The following FGF12 variants were observed in gnomAD, a reference collection of about 807,000 sequenced individuals.
The protein encoded by FGF12 is fibroblast growth factor 12.
In FGF12, 14 loss-of-function variants were observed where a neutral mutation model predicts 23.6. The observed-to-expected ratio is 0.59, with a 90% confidence interval of 0.39 to 0.93. The LOEUF is 0.93. FGF12 is among the 40% of genes least tolerant of loss of function. FGF12 has a pLI of 0.00. For missense variants in FGF12, 175 were observed against 217.8 expected, an observed-to-expected ratio of 0.80 and a Z score of 1.24; for synonymous variants, 62 against 77.3, an observed-to-expected ratio of 0.80 and a Z score of 1.04.
chr3:192,230,598 A>G (rs1429278932), intron 4 of FGF12, among the ~76,000 whole-genome samples: 1 of 152,210 alleles, frequency 6.6e-6, no homozygotes, highest in Non-Finnish European at 1.5e-5. Context: ...TCACCTGGAA[A>G]TAACAATTCA....
chr3:192,533,711 A>G (rs1725152194), intron 2 of FGF12, among the ~76,000 whole-genome samples: 1 of 152,030 alleles, frequency 6.6e-6, no homozygotes, highest in Admixed American at 6.6e-5. Flanking sequence ...AGTTTATTAA[A>G]GTTTATCGTG....
At chr3:192,355,494 C>T (rs184123657) in intron 3 of FGF12, among the ~76,000 whole-genome samples, 60 of 152,274 alleles carry the variant, frequency 3.9e-4, no homozygotes, top group Non-Finnish European at 7.4e-5. Context: ...GTGTCAATGA[C>T]TTCCAATGAA....
chr3:192,409,114 C>A lies in FGF12; in HGVS notation c.14-48576G>T. 1 of 391,092 alleles carries A rather than the reference C, an allele frequency of 2.6e-6. No homozygotes were observed. Among genetic ancestry groups the A allele is most frequent in the Non-Finnish European group, 3.5e-6 (1 of 286,620 alleles). The allele number at this position is 391,092 out of a possible 1,614,324, so 24.2% of individuals were successfully genotyped here. A position where few individuals can be genotyped will look rare whatever the true frequency, so the allele number is the denominator to read the frequency against. On this transcript the variant is annotated intron_variant, in intron 2 of 5. Transcript: ENST00000445105. This position sits in a 1 kb window ranked among gnomAD's most constrained non-coding sequence, Gnocchi z 4.8. ...GGGAGGGAGGGAGATCCTCGAGGGC[C>A]AAGCACCCCTCGGGGAGAAACCAGC...
chr3:192,704,360 A>C (rs1718399183), intron 2 of FGF12, among the ~76,000 whole-genome samples: 1 of 152,190 alleles, frequency 6.6e-6, no homozygotes, highest in African/African-American at 2.4e-5. Context: ...AAACAACATT[A>C]ATCTCCTTGT....
At position 192,335,372 on chromosome 3, in the gene FGF12, GA is replaced by G; in HGVS notation, c.216del (p.Leu73SerfsTer23). ...TACAATGTACTTACTGAACTGTAGAGATAGCCTTCACCATTCATGGCCACAT... is the reference window on the plus strand; with the variant it reads ...TACAATGTACTTACTGAACTGTAGAGTAGCCTTCACCATTCATGGCCACAT... ...SLYVAMNGEG[Y>X]LYSSDVFTPE... On this transcript the variant is annotated frameshift_variant, in exon 4 of 6. Transcript: ENST00000445105. LOFTEE classifies it high-confidence loss of function. 6.2e-7 allele frequency: 1 copy of G among 1,609,858 alleles called. No homozygotes were observed. The highest frequency in any genetic ancestry group is 8.5e-7 in the Non-Finnish European group (1 of 1,176,386).
chr3:192,427,890 T>G (rs9836854), intron 2 of FGF12, among the ~76,000 whole-genome samples: 1 of 152,002 alleles, frequency 6.6e-6, no homozygotes, highest in African/African-American at 2.4e-5. Context: ...TCATGCCTGC[T>G]GGCATCTGAA....
At chr3:192,253,881 A>C (rs1221273970) in intron 4 of FGF12, among the ~76,000 whole-genome samples, 1 of 152,144 alleles carries the variant, frequency 6.6e-6, no homozygotes, top group Non-Finnish European at 1.5e-5. Context: ...AAACCACCAC[A>C]GTATTTTAAA....
At chr3:192,667,502 C>T (rs1477807978) in intron 2 of FGF12, among the ~76,000 whole-genome samples, 1 of 150,126 alleles carries the variant, frequency 6.7e-6, no homozygotes, top group Non-Finnish European at 1.5e-5. Flanking sequence ...CTCAGCTACC[C>T]GGAAGGCTGC....
intron 2 of FGF12, among the ~76,000 whole-genome samples, chr3:192,647,691 A>G (rs9825727): frequency 0.45 from 66,666 of 147,886 alleles, 15,393 homozygotes; most frequent in East Asian, 0.52. Context: ...ATACATATAT[A>G]TGTATATATG....
chr3:192,567,745 C>CTTTCTTTCTT (rs2108600423), intron 2 of FGF12, among the ~76,000 whole-genome samples: 1 of 110,648 alleles, frequency 9.0e-6, no homozygotes, highest in African/African-American at 3.4e-5. Context: ...CTCTTTCTTT[C>CTTTCTTTCTT]TTTCTTTCTT....
At chr3:192,414,532 C>T (rs1354850910) in intron 2 of FGF12, among the ~76,000 whole-genome samples, 3 of 152,154 alleles carry the variant, frequency 2.0e-5, no homozygotes, top group Non-Finnish European at 4.4e-5. Flanking sequence ...TAACTCTTTA[C>T]TAATTACAAA....
At chr3:192,548,744 T>G (rs945895835) in intron 2 of FGF12, among the ~76,000 whole-genome samples, 1 of 152,152 alleles carries the variant, frequency 6.6e-6, no homozygotes, top group Non-Finnish European at 1.5e-5. Flanking sequence ...TACCCAGTTG[T>G]AGTGTTATAT....
intron 3 of FGF12, among the ~76,000 whole-genome samples, chr3:192,346,374 A>C (rs1274866493): frequency 2.0e-5 from 3 of 152,146 alleles, no homozygotes; most frequent in African/African-American, 7.2e-5. Flanking sequence ...CCTTACCTGA[A>C]ATACAACTGT....
At chr3:192,570,299 G>C (rs1219004523) in intron 2 of FGF12, among the ~76,000 whole-genome samples, 2 of 152,134 alleles carry the variant, frequency 1.3e-5, no homozygotes, top group Non-Finnish European at 2.9e-5. Context: ...AATCCAAGTA[G>C]AGAGCTCCAG....
chr3:192,244,471 G>A (rs1719783006), intron 4 of FGF12, among the ~76,000 whole-genome samples: 2 of 152,098 alleles, frequency 1.3e-5, no homozygotes, highest in African/African-American at 4.8e-5. Context: ...CTAACAAAGA[G>A]AGGTAAATAG....
intron 4 of FGF12, among the ~76,000 whole-genome samples, chr3:192,199,181 TGGGGCAA>T (rs889029122): frequency 1.3e-5 from 2 of 152,166 alleles, no homozygotes; most frequent in African/African-American, 4.8e-5. Context: ...ATTCATAAAA[TGGGGCAA>T]GGGGAGAAAA....
intron 5 of FGF12, among the ~76,000 whole-genome samples, chr3:192,160,764 T>C (rs1014114647): frequency 6.6e-6 from 1 of 152,154 alleles, no homozygotes; most frequent in African/African-American, 2.4e-5. Flanking sequence ...TCTACTATGC[T>C]ACAGTGACTA....
chr3:192,391,015 C>T (rs2108761476), intron 2 of FGF12, among the ~76,000 whole-genome samples: 1 of 152,212 alleles, frequency 6.6e-6, no homozygotes, highest in South Asian at 2.1e-4. Context: ...ATGAGGAGCT[C>T]AGATGTTAAT....
chr3:192,540,317 A>G (rs58549169), intron 2 of FGF12, among the ~76,000 whole-genome samples: 2,038 of 152,036 alleles, frequency 0.013, 54 homozygotes, highest in African/African-American at 0.047. Context: ...GCCATATCCT[A>G]TTGGTTTCAG....
Sources: allele counts gnomAD v4.1 joint callset (sites outside exome capture counted in the v4.1 genomes callset), GRCh38; gene constraint gnomAD v4.1.1; non-coding constraint Gnocchi (gnomAD v3.1); transcripts MANE v1.5; gene names NCBI Gene and HGNC (gene_info 2026-07-23, HGNC 2026-07-21).